Variants in GATC observed in about 807,000 individuals in gnomAD.
GATC encodes the protein glutamyl-tRNA(Gln) amidotransferase subunit C, mitochondrial.
A neutral mutation model predicts 14.4 loss-of-function variants in GATC; 11 were observed. That is an observed-to-expected ratio of 0.77 (90% confidence interval 0.48 to 1.27). The LOEUF is 1.27. Ranked by LOEUF, GATC falls within the 50% of genes most tolerant of loss-of-function variation. The probability of loss-of-function intolerance (pLI) is 0.00; values close to 1 mark genes in which losing one functional copy is unlikely to be tolerated. For missense variants in GATC, 204 were observed against 183.0 expected (o/e 1.11, Z -0.66); for synonymous variants, 76 against 79.3 (o/e 0.96, Z 0.22).
At chr12:120,457,020 A>T in intron 2 of GATC, 56 bp from the exon 3 acceptor site, 1 of 1,123,246 alleles carries the variant, frequency 8.9e-7, no homozygotes, top group Non-Finnish European at 1.4e-6. Flanking sequence ...CCTCTCCATC[A>T]TCCCCTAAAA....
At chr12:120,451,872 A>ATTTTTTTTTTTTTTTT (rs1555219520) in intron 2 of GATC, among the ~76,000 whole-genome samples, 4 of 88,130 alleles carry the variant, frequency 4.5e-5, no homozygotes, top group African/African-American at 1.4e-4. Flanking sequence ...AATTATATAA[A>ATTTTTTTTTTTTTTTT]TTCTTTTTTT....
At chr12:120,455,021 G>A (rs1427335555) in intron 2 of GATC, 1 of 449,830 alleles carries the variant, frequency 2.2e-6, no homozygotes, top group Non-Finnish European at 4.5e-6. Context: ...CCAGGTAGCT[G>A]GGATTACAGG....
chr12:120,455,732 C>T (rs1878166037), intron 2 of GATC, among the ~76,000 whole-genome samples: 1 of 152,044 alleles, frequency 6.6e-6, no homozygotes, highest in Admixed American at 6.6e-5. Context: ...GTCGCCCAGG[C>T]TGGAGTGCAG....
chr12:120,451,895 T>TTTTTTTTTTTTTTA (rs1878062112), intron 2 of GATC, among the ~76,000 whole-genome samples: 2 of 143,988 alleles, frequency 1.4e-5, no homozygotes, highest in African/African-American at 5.1e-5. Context: ...TTTTTTTTTT[T>TTTTTTTTTTTTTTA]GAGCTGGAGT....
chr12:120,448,658 T>C (rs1229101746), intron 2 of GATC, among the ~76,000 whole-genome samples: 1 of 146,562 alleles, frequency 6.8e-6, no homozygotes, highest in East Asian at 2.0e-4. Context: ...TTTTTTTTTT[T>C]TTTTTGAGAC....
chr12:120,462,304 A>AC lies in GATC; in HGVS notation c.*2347dup. 1.2e-6 allele frequency: 1 copy of AC among 800,484 alleles called. No individual in the cohort carries two copies. Among genetic ancestry groups the AC allele is most frequent in the Admixed American group, 3.3e-5 (1 of 30,556 alleles). 49.6% of individuals were successfully genotyped at this position (800,484 alleles called of 1,614,324 possible). A position where few individuals can be genotyped will look rare whatever the true frequency, so the allele number is the denominator to read the frequency against. ...GCCTGGCATGAGGCTATCTCATTAA[A>AC]CCTTCATAACATTATGAGGTAGGTA... is the stretch of plus-strand genomic sequence containing the variant. On this transcript the variant is annotated 3_prime_UTR_variant, in exon 4 of 4. Transcript: ENST00000551765.
Position 120,462,255 on chromosome 12 carries a change from T to A in GATC, c.*2296T>A. 7.2e-7 allele frequency: 1 copy of A among 1,383,248 alleles called. No individual in the cohort carries two copies. The highest frequency in any genetic ancestry group is 1.4e-5 in the South Asian group (1 of 72,784). The allele number at this position is 1,383,248 out of a possible 1,614,324, so 85.7% of individuals were successfully genotyped here. ...AACATCTAACAATAATAGTTAAGTA[T>A]TGAGCACTTACTGTGTACTCTGTGC... On this transcript the variant is annotated 3_prime_UTR_variant, in exon 4 of 4. Coordinates refer to ENST00000551765, the MANE Select transcript of GATC (RefSeq NM_176818.3).
intron 2 of GATC, among the ~76,000 whole-genome samples, chr12:120,451,610 C>T (rs373177387): frequency 7.9e-5 from 12 of 151,668 alleles, no homozygotes; most frequent in East Asian, 2.0e-4. Context: ...GGCATGGTGG[C>T]GCACTCCTGT....
rs16660 is a variant in GATC at position 120,463,130 on chromosome 12, C to CTGG, written c.*3173_*3175dup. The CTGG allele has an allele frequency of 0.73, 110,689 of 151,768 alleles. 41,527 individuals carry two copies. The highest frequency in any genetic ancestry group is 0.91 in the African/African-American group (37,805 of 41,400). The allele number at this position is 151,768 out of a possible 1,614,324, so 9.4% of individuals were successfully genotyped here. A position where few individuals can be genotyped will look rare whatever the true frequency, so the allele number is the denominator to read the frequency against. ...ATAACCAGAAAAAAACAATGTCCAA[C>CTGG]TGGTCTGGTTTCTGGTCTCAATGGT... On this transcript the variant is annotated 3_prime_UTR_variant, in exon 4 of 4. Transcript: ENST00000551765.
At chr12:120,458,706 G>A (rs576009626) in intron 3 of GATC, among the ~76,000 whole-genome samples, 1 of 152,286 alleles carries the variant, frequency 6.6e-6, no homozygotes, top group Non-Finnish European at 1.5e-5. Context: ...CAGGTAGCCT[G>A]CTAAGTGCCA....
At chr12:120,455,731 G>A (rs1316526985) in intron 2 of GATC, among the ~76,000 whole-genome samples, 4 of 151,958 alleles carry the variant, frequency 2.6e-5, no homozygotes, top group African/African-American at 9.7e-5. Context: ...TGTCGCCCAG[G>A]CTGGAGTGCA....
chr12:120,459,992 A>G lies in GATC; in HGVS notation c.*33A>G. 1 of 1,538,388 alleles carries G rather than the reference A, an allele frequency of 6.5e-7. No homozygotes were observed. The highest frequency in any genetic ancestry group is 9.0e-7 in the Non-Finnish European group (1 of 1,113,012). ...ATTCTGGAAAGGGGGTACTCTGTGAACATGTGGAAGCATAATGACAGTATT... is the reference window on the plus strand; with the variant it reads ...ATTCTGGAAAGGGGGTACTCTGTGAGCATGTGGAAGCATAATGACAGTATT... On this transcript the variant is annotated 3_prime_UTR_variant, in exon 4 of 4. Transcript: ENST00000551765.
chr12:120,453,829 A>G (rs1239894415), intron 2 of GATC, among the ~76,000 whole-genome samples: 1 of 138,678 alleles, frequency 7.2e-6, no homozygotes, highest in Non-Finnish European at 1.6e-5. Flanking sequence ...AAAAAAAAGT[A>G]AAACAACAAC....
Position 120,462,408 on chromosome 12 carries a change from C to T in GATC, c.*2449C>T, listed in dbSNP as rs1272924244. Reference sequence around the variant, plus strand: ...TTGCCCAAGGTAACACAATAAATGCCAATTTGACATGTTGATACTCAATTA... The same window carrying T: ...TTGCCCAAGGTAACACAATAAATGCTAATTTGACATGTTGATACTCAATTA... On this transcript the variant is annotated 3_prime_UTR_variant, in exon 4 of 4. Transcript: ENST00000551765. The T allele has an allele frequency of 5.4e-6, 2 of 369,668 alleles. No individual in the cohort carries two copies. Among genetic ancestry groups the T allele is most frequent in the East Asian group, 9.3e-5 (2 of 21,392 alleles). The allele number at this position is 369,668 out of a possible 1,614,324, so 22.9% of individuals were successfully genotyped here. A position where few individuals can be genotyped will look rare whatever the true frequency, so the allele number is the denominator to read the frequency against.
At chr12:120,457,759 G>A (rs916968872) in intron 3 of GATC, among the ~76,000 whole-genome samples, 1 of 151,732 alleles carries the variant, frequency 6.6e-6, no homozygotes. Flanking sequence ...GCATGCACCA[G>A]CACGCCTGGC....
intron 2 of GATC, among the ~76,000 whole-genome samples, chr12:120,448,607 G>T (rs1877944233): frequency 6.9e-6 from 1 of 144,924 alleles, no homozygotes; most frequent in South Asian, 2.2e-4. Flanking sequence ...GGGATTACAG[G>T]TATGAGTCAC....
chr12:120,457,173 C>T lies in GATC; in HGVS notation c.352C>T (p.Pro118Ser), dbSNP rs879177002. 1 of 1,609,902 alleles carries T rather than the reference C, an allele frequency of 6.2e-7. No individual in the cohort carries two copies. Among genetic ancestry groups the T allele is most frequent in the Non-Finnish European group, 8.5e-7 (1 of 1,176,808 alleles). Residue 118 changes from proline to serine, a missense_variant, in exon 3 of 4, where the codon CCC (proline) becomes TCC (serine). Coordinates refer to ENST00000551765, the MANE Select transcript of GATC (RefSeq NM_176818.3). ...HRVVEEYFVA[P>S]PGNISLPKLD... ...CGTCGTGGAGGAGTACTTTGTGGCC[C>T]CCCCAGGTACGTGCTGCCCAGAATG...
chr12:120,448,476 C>G (rs1015897539), intron 2 of GATC, among the ~76,000 whole-genome samples: 4 of 151,136 alleles, frequency 2.6e-5, no homozygotes, highest in African/African-American at 9.8e-5. Context: ...TTACAGGCAC[C>G]CGCCACCACA....
At chr12:120,449,749 A>G (rs2137038782) in intron 2 of GATC, among the ~76,000 whole-genome samples, 1 of 151,294 alleles carries the variant, frequency 6.6e-6, no homozygotes, top group South Asian at 2.1e-4. Context: ...GCCCGGCCAC[A>G]GTAAATGTTT....
Sources: allele counts gnomAD v4.1 joint callset (sites outside exome capture counted in the v4.1 genomes callset), GRCh38; gene constraint gnomAD v4.1.1; transcripts MANE v1.5; gene names NCBI Gene and HGNC (gene_info 2026-07-23, HGNC 2026-07-21).